Variants in NUMB observed in about 807,000 individuals in gnomAD.
NUMB encodes the protein protein numb homolog.
A neutral mutation model predicts 59.7 loss-of-function variants in NUMB; 29 were observed. That is an observed-to-expected ratio of 0.49 (90% confidence interval 0.36 to 0.66). The LOEUF (loss-of-function observed/expected upper bound fraction) is 0.66, where lower values mean the gene tolerates loss of function less well. Among genes scored for constraint, NUMB ranks in the 30% least tolerant of loss-of-function variants. The pLI, the probability that NUMB is intolerant of heterozygous loss-of-function variation, is 0.00. For synonymous variants in NUMB, 288 were observed against 288.2 expected (o/e 1.00, Z 0.01); for missense variants, 723 against 822.0 (o/e 0.88, Z 1.47).
At chr14:73,361,530 G>A (rs1410319493) in intron 3 of NUMB, among the ~76,000 whole-genome samples, 1 of 151,796 alleles carries the variant, frequency 6.6e-6, no homozygotes, top group Non-Finnish European at 1.5e-5. Flanking sequence ...CGTGTCATGG[G>A]GGTTTGTTGC....
At chr14:73,362,266 AT>A (rs1161006521) in intron 3 of NUMB, among the ~76,000 whole-genome samples, 3 of 152,032 alleles carry the variant, frequency 2.0e-5, no homozygotes, top group Non-Finnish European at 4.4e-5. Context: ...CAAAAAAAAA[AT>A]GCTACCAAAA....
chr14:73,435,571 G>C (rs542560994), intron 1 of NUMB, among the ~76,000 whole-genome samples: 1 of 151,850 alleles, frequency 6.6e-6, no homozygotes, highest in East Asian at 1.9e-4. Flanking sequence ...ACTGCACCCA[G>C]CCGGCAATTT....
intron 1 of NUMB, among the ~76,000 whole-genome samples, chr14:73,414,145 C>T (rs1897020318): frequency 1.3e-5 from 2 of 151,884 alleles, no homozygotes; most frequent in South Asian, 4.2e-4. Flanking sequence ...TTAGTAGAGA[C>T]GGGGTTTCAC....
At chr14:73,293,369 T>C (rs1015279757) in intron 7 of NUMB, among the ~76,000 whole-genome samples, 1 of 151,216 alleles carries the variant, frequency 6.6e-6, no homozygotes, top group Admixed American at 6.6e-5. Flanking sequence ...TTTTCAGGTG[T>C]GGAATTTCCA....
intron 6 of NUMB, among the ~76,000 whole-genome samples, chr14:73,310,674 A>G (rs1307221352): frequency 6.6e-6 from 1 of 152,230 alleles, no homozygotes; most frequent in Non-Finnish European, 1.5e-5. Context: ...ATGCAGTTTC[A>G]TGAACTACCC....
At chr14:73,434,920 T>C (rs1477438255) in intron 1 of NUMB, among the ~76,000 whole-genome samples, 2 of 152,172 alleles carry the variant, frequency 1.3e-5, no homozygotes, top group African/African-American at 4.8e-5. Flanking sequence ...TTTTTAATTA[T>C]AAATCCATCT....
chr14:73,410,163 T>C (rs1042330258), intron 1 of NUMB, 95 bp from the exon 2 acceptor site: 2 of 152,234 alleles, frequency 1.3e-5, no homozygotes, highest in African/African-American at 4.8e-5. Context: ...CTGATGGAGT[T>C]GGTTACGATA....
chr14:73,369,323 G>A (rs1390699546), intron 2 of NUMB, among the ~76,000 whole-genome samples: 2 of 152,182 alleles, frequency 1.3e-5, no homozygotes, highest in Non-Finnish European at 1.5e-5. Flanking sequence ...TTACAGGCGT[G>A]AGCCACCGCG....
intron 6 of NUMB, 51 bp downstream of exon 6, chr14:73,316,339 C>T: frequency 6.6e-7 from 1 of 1,522,044 alleles, no homozygotes; most frequent in Non-Finnish European, 9.1e-7. Flanking sequence ...CAGTGCTACA[C>T]TAGGGGTGTA....
intron 3 of NUMB, among the ~76,000 whole-genome samples, chr14:73,363,981 C>T (rs982203286): frequency 2.0e-5 from 3 of 152,108 alleles, no homozygotes; most frequent in Non-Finnish European, 4.4e-5. Flanking sequence ...CTAAATCCAA[C>T]TGTATATTTT....
intron 4 of NUMB, among the ~76,000 whole-genome samples, chr14:73,334,569 G>T (rs1892187551): frequency 6.6e-6 from 1 of 151,904 alleles, no homozygotes; most frequent in Admixed American, 6.6e-5. Context: ...TAAGGTTTGG[G>T]GCCTATTCGA....
At chr14:73,277,376 T>C (rs1026898725) in intron 12 of NUMB, 83 bp from the exon 13 acceptor site, 1 of 1,104,844 alleles carries the variant, frequency 9.1e-7, no homozygotes, top group Non-Finnish European at 1.3e-6. Context: ...TGAATGATCC[T>C]AACATGTACA....
intron 7 of NUMB, among the ~76,000 whole-genome samples, chr14:73,296,517 A>G (rs1427478283): frequency 1.3e-5 from 2 of 152,162 alleles, no homozygotes; most frequent in African/African-American, 2.4e-5. Context: ...TATGTCATGT[A>G]GAACAATATG....
chr14:73,339,366 T>G (rs1892513395), intron 4 of NUMB, among the ~76,000 whole-genome samples: 1 of 151,456 alleles, frequency 6.6e-6, no homozygotes, highest in Non-Finnish European at 1.5e-5. Flanking sequence ...CTAAACACAC[T>G]GGCCTCCTTG....
At chr14:73,323,059 G>A in intron 5 of NUMB, 71 bp downstream of exon 5, 7 of 1,212,156 alleles carry the variant, frequency 5.8e-6, no homozygotes, top group Non-Finnish European at 8.4e-6. Flanking sequence ...TCACTAAAAT[G>A]TACTGAGCAA....
At position 73,276,524 on chromosome 14, in the gene NUMB, G is replaced by GCTAC; in HGVS notation, c.*50_*53dup. ...CAAAGTCTGTTTTGCTCCTTTGACC[G>GCTAC]CTACCCCCTGCTCCCTGTCTGGTAT... On this transcript the variant is annotated 3_prime_UTR_variant, in exon 13 of 13. Transcript: ENST00000555238. 1 of 1,427,170 alleles carries GCTAC rather than the reference G, an allele frequency of 7.0e-7. No individual in the cohort carries two copies. Among genetic ancestry groups the GCTAC allele is most frequent in the South Asian group, 1.3e-5 (1 of 78,384 alleles). The allele number at this position is 1,427,170 out of a possible 1,614,324, so 88.4% of individuals were successfully genotyped here. A position where few individuals can be genotyped will look rare whatever the true frequency, so the allele number is the denominator to read the frequency against.
chr14:73,453,235 T>G (rs951844192), intron 1 of NUMB, among the ~76,000 whole-genome samples: 1 of 151,342 alleles, frequency 6.6e-6, no homozygotes, highest in Non-Finnish European at 1.5e-5. Context: ...TGGGTTCAAG[T>G]GATTCTCCTG....
At chr14:73,333,094 A>G (rs901143568) in intron 4 of NUMB, among the ~76,000 whole-genome samples, 1 of 152,182 alleles carries the variant, frequency 6.6e-6, no homozygotes, top group Non-Finnish European at 1.5e-5. Context: ...TTGGGGGTAT[A>G]TAACTAGCAG....
At chr14:73,306,005 G>C (rs1890408645) in intron 6 of NUMB, among the ~76,000 whole-genome samples, 1 of 152,214 alleles carries the variant, frequency 6.6e-6, no homozygotes, top group Non-Finnish European at 1.5e-5. Flanking sequence ...TTTCTGAACA[G>C]AATGGTGTAA....
Sources: gnomAD v4.1 joint callset for allele counts (sites outside exome capture counted in the v4.1 genomes callset) on GRCh38, gnomAD v4.1.1 for gene constraint, MANE v1.5 for transcripts, NCBI Gene and HGNC (gene_info 2026-07-23, HGNC 2026-07-21) for gene names.